GRAMD2B: variants seen among roughly 807,000 people sequenced by gnomAD.
GRAMD2B encodes GRAM domain-containing protein 2B.
A neutral mutation model predicts 59.2 loss-of-function variants in GRAMD2B; 41 were observed. The ratio of observed to expected loss-of-function variants is 0.69; its 90% confidence interval spans 0.54 to 0.90. The LOEUF is 0.90. GRAMD2B is among the 40% of genes least tolerant of loss of function. GRAMD2B has a pLI of 0.00. For missense variants in GRAMD2B, 424 were observed against 500.5 expected (o/e 0.85, Z 1.46); for synonymous variants, 161 against 182.7 (o/e 0.88, Z 0.96).
chr5:126,442,025 T>C (rs1323730979), intron 1 of GRAMD2B, among the ~76,000 whole-genome samples: 2 of 152,006 alleles, frequency 1.3e-5, no homozygotes, highest in Non-Finnish European at 2.9e-5. Flanking sequence ...GTAAAAAATC[T>C]ATGAATGTTA....
intron 1 of GRAMD2B, among the ~76,000 whole-genome samples, chr5:126,379,681 G>A (rs565770312): frequency 1.8e-4 from 28 of 152,228 alleles, no homozygotes; most frequent in African/African-American, 6.3e-4. Flanking sequence ...TTTATCATAT[G>A]TTTGTTAACC....
chr5:126,419,317 T>TGA (rs370172750), upstream of GRAMD2B, among the ~76,000 whole-genome samples: 111 of 143,926 alleles, frequency 7.7e-4, no homozygotes, highest in South Asian at 0.01. Flanking sequence ...GAGAGAGAGG[T>TGA]GAGAGAGAGA....
At chr5:126,369,255 C>T (rs575537506), upstream of GRAMD2B, among the ~76,000 whole-genome samples, 4 of 141,654 alleles carry the variant, frequency 2.8e-5, no homozygotes, top group South Asian at 6.8e-4. Context: ...ACTGTAAATG[C>T]TCAATAAATA....
rs558480048 is a variant in GRAMD2B at position 126,485,131 on chromosome 5, T to C, written c.971-555T>C. Among the ~76,000 whole-genome samples, 7 of 152,148 alleles carry C rather than the reference T, an allele frequency of 4.6e-5. No homozygotes were observed. The East Asian group carries it at 1.4e-3, about 30-fold the overall frequency. On this transcript the variant is annotated intron_variant, in intron 10 of 13. Coordinates refer to ENST00000285689, the MANE Select transcript of GRAMD2B (RefSeq NM_023927.4). ...ACTTTGGGAGTCTGCGGTGGGAGGA[T>C]TGCTTGAGTCCAAGGAGTTCAAGAC...
In GRAMD2B at chr5:126,494,261, C is replaced by A. The variant is rs1261622775; in HGVS notation, c.*1305C>A. ...ATCTACTACTACCAACTCACTTATA[C>A]TTCCTTCCTCCCAAGTAATCATTTC... On this transcript the variant is annotated 3_prime_UTR_variant, in exon 14 of 14. Transcript: ENST00000285689. The A allele has an allele frequency of 2.6e-5, 4 of 151,922 alleles. No individual in the cohort carries two copies. Among genetic ancestry groups the A allele is most frequent in the Non-Finnish European group, 1.5e-5 (1 of 67,990 alleles). The allele number at this position is 151,922 out of a possible 1,614,324, so 9.4% of individuals were successfully genotyped here.
intron 11 of GRAMD2B, 41 bp downstream of exon 11, chr5:126,485,814 T>C: frequency 8.1e-7 from 1 of 1,230,126 alleles, no homozygotes; most frequent in Non-Finnish European, 1.2e-6. Context: ...AGAAAATGAT[T>C]CCATTCGCTA....
intron 1 of GRAMD2B, among the ~76,000 whole-genome samples, chr5:126,388,625 A>G (rs150445988): frequency 6.6e-6 from 1 of 151,802 alleles, no homozygotes; most frequent in East Asian, 1.9e-4. Context: ...TTTTGGGAAT[A>G]TTCATCTTAA....
chr5:126,466,387 T>C, intron 2 of GRAMD2B: 1 of 794,622 alleles, frequency 1.3e-6, no homozygotes, highest in South Asian at 1.5e-5. Flanking sequence ...TAATTCCCAA[T>C]TATCTCTCCA....
intron 1 of GRAMD2B, among the ~76,000 whole-genome samples, chr5:126,388,862 G>A (rs1276151169): frequency 6.6e-6 from 1 of 152,010 alleles, no homozygotes. Flanking sequence ...AGTTACCAAA[G>A]AGGGTGGGGT....
intron 1 of GRAMD2B, among the ~76,000 whole-genome samples, chr5:126,413,475 A>C (rs976605175): frequency 1.3e-5 from 2 of 152,008 alleles, no homozygotes; most frequent in East Asian, 1.9e-4. Context: ...TATGGCTGGT[A>C]TGATTTCAAT....
intron 1 of GRAMD2B, among the ~76,000 whole-genome samples, chr5:126,463,319 C>T (rs1206546110): frequency 6.6e-6 from 1 of 152,126 alleles, no homozygotes; most frequent in African/African-American, 2.4e-5. Flanking sequence ...GTTCTATACC[C>T]AGTCTCTACT....
At position 126,465,225 on chromosome 5, in the gene GRAMD2B, G is replaced by A. The variant is rs565248830; in HGVS notation, c.84-201G>A. ...TGGCATTTACAAGTGAAACAGGTGC[G>A]ACCTGCAGCTACTGCCGTTGGGACA... On this transcript the variant is annotated intron_variant, in intron 1 of 13. Coordinates refer to ENST00000285689, the MANE Select transcript of GRAMD2B (RefSeq NM_023927.4). The A allele has an allele frequency of 3.5e-4, 493 of 1,422,114 alleles. No individual in the cohort carries two copies. In the African/African-American group the frequency reaches 5.5e-3, roughly 16 times the overall value. The allele number at this position is 1,422,114 out of a possible 1,614,324, so 88.1% of individuals were successfully genotyped here. A position where few individuals can be genotyped will look rare whatever the true frequency, so the allele number is the denominator to read the frequency against.
At chr5:126,369,287 TGAA>T (rs1754622552), upstream of GRAMD2B, among the ~76,000 whole-genome samples, 1 of 152,188 alleles carries the variant, frequency 6.6e-6, no homozygotes, top group African/African-American at 2.4e-5. Context: ...AATGAATGAA[TGAA>T]TGAATGAATG....
chr5:126,434,440 T>C (rs1264513392), intron 1 of GRAMD2B, among the ~76,000 whole-genome samples: 1 of 152,174 alleles, frequency 6.6e-6, no homozygotes, highest in Admixed American at 6.5e-5. Flanking sequence ...CTCCCCATAT[T>C]CCAAATGGCC....
intron 5 of GRAMD2B, among the ~76,000 whole-genome samples, chr5:126,476,760 C>A (rs1770704364): frequency 6.6e-6 from 1 of 152,080 alleles, no homozygotes; most frequent in Non-Finnish European, 1.5e-5. Flanking sequence ...TGTTGTTATT[C>A]TTTGTTGAAC....
intron 2 of GRAMD2B, 97 bp downstream of exon 2, chr5:126,465,642 T>A: frequency 2.8e-6 from 3 of 1,053,186 alleles, no homozygotes; most frequent in Non-Finnish European, 4.2e-6. Flanking sequence ...GAGGATGTAT[T>A]AATACTATAG....
rs1457096158 is a variant in GRAMD2B, at chr5:126,493,081, G to T, written c.*125G>T. ...GCAAGCAGATGAGAATCCAGACATT[G>T]CATGTGGAGGTCTCCAGCTCAGGAA... On this transcript the variant is annotated 3_prime_UTR_variant, in exon 14 of 14. Coordinates refer to ENST00000285689, the MANE Select transcript of GRAMD2B (RefSeq NM_023927.4). 3 of 679,028 alleles carry T rather than the reference G, an allele frequency of 4.4e-6. No homozygotes were observed. The highest frequency in any genetic ancestry group is 7.9e-6 in the Non-Finnish European group (3 of 378,026). 42.1% of individuals were successfully genotyped at this position (679,028 alleles called of 1,614,324 possible).
chr5:126,363,094 C>T (rs536521209), intron 1 of GRAMD2B, among the ~76,000 whole-genome samples: 2 of 152,152 alleles, frequency 1.3e-5, no homozygotes, highest in African/African-American at 4.8e-5. Context: ...CTTGTAGCCA[C>T]AATATATAAA....
At chr5:126,426,987 AC>A (rs1379367183) in intron 1 of GRAMD2B, among the ~76,000 whole-genome samples, 1 of 152,160 alleles carries the variant, frequency 6.6e-6, no homozygotes, top group African/African-American at 2.4e-5. Context: ...AATTTTCTCC[AC>A]TTTTATTACC....
Sources: allele counts gnomAD v4.1 joint callset (sites outside exome capture counted in the v4.1 genomes callset), GRCh38; gene constraint gnomAD v4.1.1; transcripts MANE v1.5; gene names NCBI Gene and HGNC (gene_info 2026-07-23, HGNC 2026-07-21).